Variants in YPEL2 observed in about 807,000 individuals in gnomAD.
YPEL2 encodes the protein protein yippee-like 2.
A neutral mutation model predicts 19.1 loss-of-function variants in YPEL2; 2 were observed. The ratio of observed to expected loss-of-function variants is 0.10; its 90% CI spans 0.04 to 0.33. The LOEUF is 0.33. Among genes scored for constraint, YPEL2 ranks in the 10% least tolerant of loss-of-function variants. YPEL2 has a pLI of 1.00. For missense variants in YPEL2, 66 were observed against 140.7 expected (o/e 0.47, Z 2.68); for synonymous variants, 52 against 50.0 (o/e 1.04, Z -0.17).
intron 1 of YPEL2, among the ~76,000 whole-genome samples, chr17:59,347,566 C>T (rs1020463870): frequency 2.0e-5 from 3 of 152,156 alleles, no homozygotes; most frequent in African/African-American, 7.2e-5. Context: ...GGCCCAAAGG[C>T]CTGCCAGGGC....
Position 59,389,394 on chromosome 17 carries a change from G to A in YPEL2, c.196G>A (p.Val66Met), listed in dbSNP as rs1598052687. The stretch of plus-strand genomic sequence containing the variant: ...GGGCTGTGGGCCTGCAGAAGAGCGA[G>A]TGTTGCTAACAGGACTGCATGCAGT... Reference protein sequence around the residue: ...NVGCGPAEERVLLTGLHAVAD... With the variant: ...NVGCGPAEERMLLTGLHAVAD... Residue 66 changes from valine to methionine, a missense_variant, in exon 4 of 5, where the codon GTG (valine) becomes ATG (methionine). Val to Met is a conservative substitution (Grantham distance 21, BLOSUM62 1). Transcript: ENST00000312655. 1 of 1,614,128 alleles carries A rather than the reference G, an allele frequency of 6.2e-7. No homozygotes were observed.
At chr17:59,341,933 A>G (rs181907570) in intron 1 of YPEL2, among the ~76,000 whole-genome samples, 1 of 152,308 alleles carries the variant, frequency 6.6e-6, no homozygotes, top group East Asian at 1.9e-4. Context: ...TCCCAGAACA[A>G]AATAACTTCC....
Position 59,378,346 on chromosome 17 carries a change from CCTT to C in YPEL2, c.118-9980_118-9978del, listed in dbSNP as rs1328630432. Among the ~76,000 whole-genome samples, 17 of 93,692 alleles carry C rather than the reference CCTT, an allele frequency of 1.8e-4. No homozygotes were observed. In the East Asian group the frequency reaches 6.5e-3, roughly 36 times the overall value. 61.5% of individuals were successfully genotyped at this position (93,692 alleles called of 152,430 possible). The stretch of plus-strand genomic sequence containing the variant: ...AATGGCTTAAGTCCCAGAGTCTCCT[CCTT>C]TTTTTTTTTTTTTGAGACAAGTTCT... On this transcript the variant is annotated intron_variant, in intron 2 of 4. Coordinates refer to ENST00000312655, the MANE Select transcript of YPEL2 (RefSeq NM_001005404.4).
At chr17:59,373,549 A>G (rs972650669) in intron 2 of YPEL2, among the ~76,000 whole-genome samples, 1 of 152,222 alleles carries the variant, frequency 6.6e-6, no homozygotes, top group African/African-American at 2.4e-5. Context: ...CTAGGTGGCT[A>G]GATGGACTAG....
intron 2 of YPEL2, among the ~76,000 whole-genome samples, chr17:59,379,712 T>C (rs2047939042): frequency 1.3e-5 from 2 of 152,154 alleles, no homozygotes; most frequent in Admixed American, 6.5e-5. Flanking sequence ...AACCACTGAA[T>C]TGTCTACTTT....
chr17:59,368,188 A>G (rs887303127), intron 2 of YPEL2, among the ~76,000 whole-genome samples: 11 of 152,068 alleles, frequency 7.2e-5, no homozygotes, highest in Admixed American at 6.5e-5. Flanking sequence ...GGCTCAGATG[A>G]TCTTTTCACC....
intron 1 of YPEL2, among the ~76,000 whole-genome samples, chr17:59,337,844 A>G (rs956672696): frequency 6.6e-6 from 1 of 152,236 alleles, no homozygotes; most frequent in African/African-American, 2.4e-5. Flanking sequence ...GCTTTAAGAC[A>G]TAGTGCTAAT....
At chr17:59,391,859 C>T (rs1481392752) in intron 4 of YPEL2, among the ~76,000 whole-genome samples, 1 of 151,976 alleles carries the variant, frequency 6.6e-6, no homozygotes, top group Non-Finnish European at 1.5e-5. Flanking sequence ...GAGATCATGC[C>T]ATTGCACTCC....
chr17:59,398,134 C>T lies in YPEL2; in HGVS notation c.*944C>T, dbSNP rs1293604408. 6.6e-6 allele frequency: 1 copy of T among 152,216 alleles called. No individual in the cohort carries two copies. The allele number at this position is 152,216 out of a possible 1,614,324, so 9.4% of individuals were successfully genotyped here. ...GAGTCAGAGAAATAAAAAGTAGGAT[C>T]AGTTAGCAATTCTAACTGCCCTTCC... On this transcript the variant is annotated 3_prime_UTR_variant, in exon 5 of 5. Coordinates refer to ENST00000312655, the MANE Select transcript of YPEL2 (RefSeq NM_001005404.4).
At chr17:59,374,340 A>G (rs1169064015) in intron 2 of YPEL2, among the ~76,000 whole-genome samples, 2 of 152,228 alleles carry the variant, frequency 1.3e-5, no homozygotes, top group African/African-American at 2.4e-5. Context: ...CTCTTTGGCT[A>G]GGAGTTCTTC....
chr17:59,385,159 A>G (rs139718829), intron 2 of YPEL2, among the ~76,000 whole-genome samples: 22 of 152,376 alleles, frequency 1.4e-4, no homozygotes, highest in African/African-American at 4.6e-4. Context: ...ACTCAGCAAC[A>G]AAAAGGGAAT....
chr17:59,392,816 A>T (rs2048014614), intron 4 of YPEL2, among the ~76,000 whole-genome samples: 1 of 149,456 alleles, frequency 6.7e-6, no homozygotes, highest in Non-Finnish European at 1.5e-5. Context: ...CCGGCCCTAA[A>T]TTTTTTGTAT....
At chr17:59,377,236 C>T (rs1381668713) in intron 2 of YPEL2, among the ~76,000 whole-genome samples, 1 of 152,130 alleles carries the variant, frequency 6.6e-6, no homozygotes, top group Non-Finnish European at 1.5e-5. Flanking sequence ...GATATTTGTT[C>T]TTCCTAGGCA....
At chr17:59,348,494 G>A (rs1227199512) in intron 1 of YPEL2, among the ~76,000 whole-genome samples, 1 of 152,204 alleles carries the variant, frequency 6.6e-6, no homozygotes, top group Non-Finnish European at 1.5e-5. Flanking sequence ...GAGGCGGCAT[G>A]GGGTGGGGGC....
Position 59,400,126 on chromosome 17 carries a change from T to C in YPEL2, c.*2936T>C, listed in dbSNP as rs2048062823. 6.6e-6 allele frequency: 1 copy of C among 152,578 alleles called. No individual in the cohort carries two copies. The highest frequency in any genetic ancestry group is 2.4e-5 in the African/African-American group (1 of 41,400). The allele number at this position is 152,578 out of a possible 1,614,324, so 9.5% of individuals were successfully genotyped here. On this transcript the variant is annotated 3_prime_UTR_variant, in exon 5 of 5. Coordinates refer to ENST00000312655, the MANE Select transcript of YPEL2 (RefSeq NM_001005404.4). ...ACATTAGTCTCAGGCTGCTGATGGA[T>C]TGATTTGACATGAACCAAACACAGC...
At chr17:59,341,188 G>A (rs1294354159) in intron 1 of YPEL2, among the ~76,000 whole-genome samples, 1 of 150,788 alleles carries the variant, frequency 6.6e-6, no homozygotes, top group African/African-American at 2.4e-5. Flanking sequence ...CGAGGTGGGC[G>A]GAGACCATCC....
At chr17:59,386,591 A>AAG (rs1262045699) in intron 2 of YPEL2, among the ~76,000 whole-genome samples, 3 of 152,096 alleles carry the variant, frequency 2.0e-5, no homozygotes, top group Non-Finnish European at 4.4e-5. Context: ...GTAGCAAGAG[A>AAG]AGAGGCAGGA....
chr17:59,391,918 A>G (rs1360279750), intron 4 of YPEL2, among the ~76,000 whole-genome samples: 2 of 151,964 alleles, frequency 1.3e-5, no homozygotes, highest in African/African-American at 2.4e-5. Flanking sequence ...AGCAAAAAAA[A>G]AAAACCTAGA....
intron 1 of YPEL2, among the ~76,000 whole-genome samples, chr17:59,349,031 G>A (rs762107048): frequency 6.6e-5 from 10 of 152,092 alleles, no homozygotes; most frequent in East Asian, 3.9e-4. Flanking sequence ...AAAGTTAGCC[G>A]GGCGTAGTGG....
Sources: allele counts gnomAD v4.1 joint callset (sites outside exome capture counted in the v4.1 genomes callset), GRCh38; gene constraint gnomAD v4.1.1; transcripts MANE v1.5; gene names NCBI Gene and HGNC (gene_info 2026-07-23, HGNC 2026-07-21).